SECISBP2L: variants seen among roughly 807,000 people sequenced by gnomAD.
SECISBP2L encodes selenocysteine insertion sequence-binding protein 2-like.
A neutral mutation model predicts 114.7 loss-of-function variants in SECISBP2L; 43 were observed. The ratio of observed to expected loss-of-function variants is 0.38; its 90% confidence interval spans 0.29 to 0.48. The LOEUF (loss-of-function observed/expected upper bound fraction) is 0.48. SECISBP2L is among the 20% of genes least tolerant of loss of function. The probability of loss-of-function intolerance (pLI) is 0.98; values close to 1 mark genes in which losing one functional copy is unlikely to be tolerated. For missense variants in SECISBP2L, 1,136 were observed against 1,301.1 expected (o/e 0.87, Z 1.95); for synonymous variants, 451 against 439.7 (o/e 1.03, Z -0.32).
chr15:49,002,033 ACACT>A (rs1902222035), intron 14 of SECISBP2L: 1 of 42,668 alleles, frequency 2.3e-5, no homozygotes, highest in South Asian at 7.2e-4. Flanking sequence ...AGGAATCGAC[ACACT>A]GTCTTTCACA....
At chr15:49,044,146 C>T (rs1419188697) in intron 1 of SECISBP2L, among the ~76,000 whole-genome samples, 1 of 151,820 alleles carries the variant, frequency 6.6e-6, no homozygotes, top group Non-Finnish European at 1.5e-5. Context: ...CTGAGTATGT[C>T]AACACTGGTC....
In SECISBP2L at chr15:48,992,061, A is replaced by T. The variant is rs1901988154; in HGVS notation, c.*183T>A. ...TGAATTTTCCACACAGTTCTTAGAA[A>T]GACACTTAGATACTAATTAAAAGCT... is the stretch of plus-strand genomic sequence containing the variant. On this transcript the variant is annotated 3_prime_UTR_variant, in exon 18 of 18. Transcript: ENST00000559471. 2.0e-6 allele frequency: 1 copy of T among 503,254 alleles called. No individual in the cohort carries two copies. The highest frequency in any genetic ancestry group is 3.4e-6 in the Non-Finnish European group (1 of 293,560). The allele number at this position is 503,254 out of a possible 1,614,324, so 31.2% of individuals were successfully genotyped here. A position where few individuals can be genotyped will look rare whatever the true frequency, so the allele number is the denominator to read the frequency against.
At position 48,991,577 on chromosome 15, in the gene SECISBP2L, T is replaced by C. The variant is rs1901978452; in HGVS notation, c.*667A>G. On this transcript the variant is annotated 3_prime_UTR_variant, in exon 18 of 18. Transcript: ENST00000559471. Reference sequence around the variant, plus strand: ...TATCATGGGTGACTGTTCACTATTATAGACAGCATCTATCACTTTCCACAA... The same window carrying C: ...TATCATGGGTGACTGTTCACTATTACAGACAGCATCTATCACTTTCCACAA... 5 of 152,790 alleles carry C rather than the reference T, an allele frequency of 3.3e-5. No individual in the cohort carries two copies. The South Asian group carries it at 8.3e-4, about 25-fold the overall frequency. 9.5% of individuals were successfully genotyped at this position (152,790 alleles called of 1,614,324 possible). A position where few individuals can be genotyped will look rare whatever the true frequency, so the allele number is the denominator to read the frequency against.
intron 6 of SECISBP2L, among the ~76,000 whole-genome samples, chr15:49,027,844 C>T (rs1335692843): frequency 1.3e-5 from 2 of 152,098 alleles, no homozygotes; most frequent in African/African-American, 2.4e-5. Flanking sequence ...CTCCTGACCT[C>T]GTGATCCACC....
rs1199436289 is a variant in SECISBP2L, at chr15:49,014,661, C to A, written c.1562-1844G>T. Among the ~76,000 whole-genome samples, 4 of 151,636 alleles carry A rather than the reference C, an allele frequency of 2.6e-5. No individual in the cohort carries two copies. The South Asian group carries it at 8.3e-4, about 31-fold the overall frequency. On this transcript the variant is annotated intron_variant, in intron 11 of 17. Coordinates refer to ENST00000559471, the MANE Select transcript of SECISBP2L (RefSeq NM_001193489.2). ...CCATCATTTCCCTATAATTCTTTTT[C>A]ATCATGATCAGTCTCATCCTTTTCT...
chr15:48,999,404 T>C (rs750823197), intron 16 of SECISBP2L, among the ~76,000 whole-genome samples: 6 of 152,284 alleles, frequency 3.9e-5, no homozygotes, highest in South Asian at 2.1e-4. Context: ...ATTGTGACAA[T>C]TGGTTTAGAA....
intron 4 of SECISBP2L, among the ~76,000 whole-genome samples, chr15:49,030,123 A>G (rs567236431): frequency 2.0e-5 from 3 of 151,818 alleles, no homozygotes; most frequent in East Asian, 1.9e-4. Flanking sequence ...CTGCCGATTC[A>G]TAATTTTTAT....
intron 4 of SECISBP2L, among the ~76,000 whole-genome samples, chr15:49,032,632 A>T (rs1264467388): frequency 6.6e-6 from 1 of 152,232 alleles, no homozygotes; most frequent in Non-Finnish European, 1.5e-5. Context: ...CTAGTTATAA[A>T]AACATGTACA....
intron 11 of SECISBP2L, among the ~76,000 whole-genome samples, chr15:49,013,897 T>C (rs981935993): frequency 1.3e-5 from 2 of 152,178 alleles, no homozygotes; most frequent in African/African-American, 4.8e-5. Flanking sequence ...CCTTGACTTT[T>C]TTCTTGATCC....
In SECISBP2L at chr15:49,028,133, A is replaced by C. The variant is rs749873302; in HGVS notation, c.919+11T>G. The C allele has an allele frequency of 6.3e-7, 1 of 1,577,168 alleles. No individual in the cohort carries two copies. Among genetic ancestry groups the C allele is most frequent in the South Asian group, 1.2e-5 (1 of 85,880 alleles). ...AAAGTATAGCAAAAACACAATGCAG[A>C]AAACAAGTACCTGCACACATAGATG... On this transcript the variant is annotated intron_variant, in intron 6 of 17. Transcript: ENST00000559471.
At chr15:49,003,829 A>G (rs7168694) in intron 14 of SECISBP2L, among the ~76,000 whole-genome samples, 110,872 of 152,070 alleles carry the variant, frequency 0.73, 40,888 homozygotes, top group Middle Eastern at 0.78. Flanking sequence ...TGTGCTGCTA[A>G]ATTCGGTTTG....
chr15:48,995,169 T>C (rs1280683676), intron 17 of SECISBP2L, among the ~76,000 whole-genome samples: 1 of 152,208 alleles, frequency 6.6e-6, no homozygotes. Context: ...CTGTCATCTG[T>C]CCAAACCCAC....
chr15:48,999,629 A>C (rs1902163346), intron 16 of SECISBP2L, among the ~76,000 whole-genome samples: 1 of 152,248 alleles, frequency 6.6e-6, no homozygotes, highest in Non-Finnish European at 1.5e-5. Flanking sequence ...AAACCTTTTC[A>C]AAATGCTTTA....
In SECISBP2L at chr15:48,994,838, TG is replaced by T. The variant is rs542892963; in HGVS notation, c.2623+1528del. On this transcript the variant is annotated intron_variant, in intron 17 of 17. Coordinates refer to ENST00000559471, the MANE Select transcript of SECISBP2L (RefSeq NM_001193489.2). The stretch of plus-strand genomic sequence containing the variant: ...CCTATGACTGGTATATAGTAAGTGC[TG>T]GGGAAAAAAAAAAAAAAAAACAGTC... Among the ~76,000 whole-genome samples, 523 of 55,048 alleles carry T rather than the reference TG, an allele frequency of 9.5e-3. 9 individuals carry two copies. Among genetic ancestry groups the T allele is most frequent in the African/African-American group, 0.022 (318 of 14,268 alleles). 36.1% of individuals were successfully genotyped at this position (55,048 alleles called of 152,430 possible). A position where few individuals can be genotyped will look rare whatever the true frequency, so the allele number is the denominator to read the frequency against.
At chr15:49,018,281 A>C (rs1476205624) in intron 8 of SECISBP2L, among the ~76,000 whole-genome samples, 1 of 138,138 alleles carries the variant, frequency 7.2e-6, no homozygotes, top group East Asian at 2.1e-4. Context: ...TTTGAGATGG[A>C]GTTTCACTAT....
chr15:49,002,572 T>C (rs1902233919), intron 14 of SECISBP2L, among the ~76,000 whole-genome samples: 1 of 152,192 alleles, frequency 6.6e-6, no homozygotes, highest in Admixed American at 6.5e-5. Flanking sequence ...TTCCAGGGTT[T>C]TTATGGTTTT....
intron 7 of SECISBP2L, among the ~76,000 whole-genome samples, chr15:49,023,052 A>G (rs1451606770): frequency 2.0e-5 from 3 of 151,960 alleles, no homozygotes; most frequent in East Asian, 1.9e-4. Flanking sequence ...CAATAAAGTC[A>G]ATTTATAAAT....
Position 49,009,172 on chromosome 15 carries a change from A to C in SECISBP2L, c.2027+44T>G, listed in dbSNP as rs1194427440. 4 of 1,583,054 alleles carry C rather than the reference A, an allele frequency of 2.5e-6. No homozygotes were observed. In the African/African-American group the frequency reaches 5.4e-5, roughly 21 times the overall value. Reference sequence around the variant, plus strand: ...AATACTAAATTCAGAACTACAATCAAGATCCTTAAACTATTCAACCTCAAT... The same window carrying C: ...AATACTAAATTCAGAACTACAATCACGATCCTTAAACTATTCAACCTCAAT... On this transcript the variant is annotated intron_variant, in intron 14 of 17. Coordinates refer to ENST00000559471, the MANE Select transcript of SECISBP2L (RefSeq NM_001193489.2).
chr15:49,007,858 T>C (rs986492212), intron 14 of SECISBP2L, among the ~76,000 whole-genome samples: 1 of 152,182 alleles, frequency 6.6e-6, no homozygotes, highest in African/African-American at 2.4e-5. Context: ...CGAAAATTTA[T>C]GGCTATGGAG....
Sources: gnomAD v4.1 joint callset for allele counts (sites outside exome capture counted in the v4.1 genomes callset) on GRCh38, gnomAD v4.1.1 for gene constraint, MANE v1.5 for transcripts, NCBI Gene and HGNC (gene_info 2026-07-23, HGNC 2026-07-21) for gene names.